CACNG3: variants seen among roughly 807,000 people sequenced by gnomAD.
CACNG3 encodes the protein voltage-dependent calcium channel gamma-3 subunit.
In CACNG3, 3 loss-of-function variants were observed where a neutral mutation model predicts 28.5. That is an observed-to-expected ratio of 0.11 (90% confidence interval 0.05 to 0.27). CACNG3 has a LOEUF of 0.27. CACNG3 is among the 10% of genes least tolerant of loss of function. CACNG3 has a pLI of 1.00. For missense variants in CACNG3, 236 were observed against 414.4 expected, an observed-to-expected ratio of 0.57 and a Z score of 3.74; for synonymous variants, 174 against 162.2, an observed-to-expected ratio of 1.07 and a Z score of -0.55.
At chr16:24,331,613 AC>A (rs1238466545) in intron 1 of CACNG3, among the ~76,000 whole-genome samples, 1 of 151,610 alleles carries the variant, frequency 6.6e-6, no homozygotes, top group Non-Finnish European at 1.5e-5. Flanking sequence ...TGTGCTGAAA[AC>A]CCTCCAAAGC....
At chr16:24,355,725 C>T (rs2141384200) in intron 3 of CACNG3, among the ~76,000 whole-genome samples, 1 of 152,280 alleles carries the variant, frequency 6.6e-6, no homozygotes, top group Admixed American at 6.5e-5. Flanking sequence ...CCATTTTATA[C>T]CCTCCTCCAC....
At chr16:24,272,922 T>G (rs557432420) in intron 1 of CACNG3, among the ~76,000 whole-genome samples, 3 of 152,186 alleles carry the variant, frequency 2.0e-5, no homozygotes, top group Non-Finnish European at 4.4e-5. Flanking sequence ...GGGGATGTGT[T>G]ATACAGATTA....
chr16:24,346,884 C>A, intron 2 of CACNG3, 67 bp downstream of exon 2: 3 of 1,251,500 alleles, frequency 2.4e-6, no homozygotes, highest in Non-Finnish European at 3.5e-6. Flanking sequence ...ACTCAGCTGC[C>A]TCTGAGTCGG....
chr16:24,295,826 C>A (rs1425757711), intron 1 of CACNG3, among the ~76,000 whole-genome samples: 1 of 152,124 alleles, frequency 6.6e-6, no homozygotes, highest in East Asian at 1.9e-4. Context: ...CCAGCCTGGG[C>A]TACAGAGTAA....
intron 1 of CACNG3, among the ~76,000 whole-genome samples, chr16:24,274,955 T>C (rs933930096): frequency 1.3e-5 from 2 of 152,188 alleles, no homozygotes; most frequent in African/African-American, 4.8e-5. Flanking sequence ...TCCTCAATCC[T>C]GATGTTATAG....
chr16:24,264,301 T>C (rs1267990641), intron 1 of CACNG3, among the ~76,000 whole-genome samples: 1 of 152,240 alleles, frequency 6.6e-6, no homozygotes, highest in East Asian at 1.9e-4. Context: ...GAACTGACTC[T>C]ATCCAAAGGG....
intron 1 of CACNG3, among the ~76,000 whole-genome samples, chr16:24,272,040 A>G (rs79590908): frequency 0.025 from 3,798 of 152,182 alleles, 145 homozygotes; most frequent in African/African-American, 0.085. Flanking sequence ...GAACATGGAA[A>G]TAGCCTACCC....
At chr16:24,273,627 T>C (rs1898716807) in intron 1 of CACNG3, among the ~76,000 whole-genome samples, 1 of 152,260 alleles carries the variant, frequency 6.6e-6, no homozygotes, top group Non-Finnish European at 1.5e-5. Flanking sequence ...ATTATGTAGA[T>C]AATGTTCATT....
chr16:24,310,575 A>AAC (rs1298964959), intron 1 of CACNG3, among the ~76,000 whole-genome samples: 1 of 151,878 alleles, frequency 6.6e-6, no homozygotes, highest in Non-Finnish European at 1.5e-5. Flanking sequence ...AAAACAAACA[A>AAC]ACAAACAAAC....
At chr16:24,314,754 TCCTCCTCCTCCTCCTCCAA>T (rs1899324065) in intron 1 of CACNG3, among the ~76,000 whole-genome samples, 1 of 149,742 alleles carries the variant, frequency 6.7e-6, no homozygotes, top group Non-Finnish European at 1.5e-5. Context: ...CTCCTCCTCC[TCCTCCTCCTCCTCCTCCAA>T]CCTCCACCTA....
At chr16:24,338,869 C>A (rs1596648354) in intron 1 of CACNG3, among the ~76,000 whole-genome samples, 1 of 152,292 alleles carries the variant, frequency 6.6e-6, no homozygotes, top group East Asian at 1.9e-4. Context: ...GACCGTTAAT[C>A]CTCTAAACAC....
At chr16:24,309,919 A>C (rs1301959341) in intron 1 of CACNG3, among the ~76,000 whole-genome samples, 3 of 152,230 alleles carry the variant, frequency 2.0e-5, no homozygotes, top group Non-Finnish European at 4.4e-5. Flanking sequence ...GTCATGCTAC[A>C]TCGCGGGGAC....
At chr16:24,309,747 G>A (rs2141363946) in intron 1 of CACNG3, among the ~76,000 whole-genome samples, 1 of 152,256 alleles carries the variant, frequency 6.6e-6, no homozygotes, top group East Asian at 1.9e-4. Context: ...CTGAAGAGGT[G>A]ACATTTTGAA....
intron 1 of CACNG3, among the ~76,000 whole-genome samples, chr16:24,288,590 G>T (rs1026567188): frequency 1.3e-5 from 2 of 152,218 alleles, no homozygotes; most frequent in Non-Finnish European, 2.9e-5. Context: ...TATATCTACT[G>T]TCTTTTCCCC....
intron 1 of CACNG3, among the ~76,000 whole-genome samples, chr16:24,313,700 T>C (rs1333734789): frequency 6.6e-6 from 1 of 152,166 alleles, no homozygotes; most frequent in Non-Finnish European, 1.5e-5. Context: ...CTTCAAATGG[T>C]GCTCCTGCCT....
intron 1 of CACNG3, among the ~76,000 whole-genome samples, chr16:24,257,714 A>G (rs983155421): frequency 1.2e-4 from 19 of 152,230 alleles, no homozygotes; most frequent in African/African-American, 4.6e-4. Flanking sequence ...ACCCCTAAAA[A>G]GGTATTTCCA....
chr16:24,287,391 A>T (rs894887797), intron 1 of CACNG3, among the ~76,000 whole-genome samples: 5 of 151,582 alleles, frequency 3.3e-5, no homozygotes, highest in African/African-American at 1.2e-4. Context: ...GGTGGCACTC[A>T]CCTGTAGTCA....
chr16:24,351,916 C>T (rs1596652542), intron 2 of CACNG3, among the ~76,000 whole-genome samples: 1 of 150,112 alleles, frequency 6.7e-6, no homozygotes, highest in Non-Finnish European at 1.5e-5. Flanking sequence ...CCCGGGTTCA[C>T]GCCATTCTCC....
chr16:24,275,820 C>G (rs1487357264), intron 1 of CACNG3, among the ~76,000 whole-genome samples: 1 of 152,160 alleles, frequency 6.6e-6, no homozygotes, highest in East Asian at 1.9e-4. Flanking sequence ...CTGCATAACT[C>G]AGTGAAACAA....
Sources: allele counts gnomAD v4.1 joint callset (sites outside exome capture counted in the v4.1 genomes callset), GRCh38; gene constraint gnomAD v4.1.1; transcripts MANE v1.5; gene names NCBI Gene and HGNC (gene_info 2026-07-23, HGNC 2026-07-21).